Variants in ULK4 observed in about 807,000 individuals in gnomAD.
The protein encoded by ULK4 is unc-51 like kinase 4.
Under a neutral mutation model 160.6 loss-of-function variants are expected in ULK4, and 133 were observed. The ratio of observed to expected loss-of-function variants is 0.83; its 90% CI spans 0.72 to 0.96. The LOEUF (loss-of-function observed/expected upper bound fraction) is 0.96, where lower values mean the gene tolerates loss of function less well. ULK4 is among the 40% of genes least tolerant of loss of function. The probability of loss-of-function intolerance (pLI) is 0.00; values close to 1 mark genes in which losing one functional copy is unlikely to be tolerated. For missense variants in ULK4, 1,580 were observed against 1,499.5 expected, an observed-to-expected ratio of 1.05 and a Z score of -0.89; for synonymous variants, 534 against 539.8, an observed-to-expected ratio of 0.99 and a Z score of 0.15.
chr3:41,296,846 A>C (rs2079678586), intron 35 of ULK4, among the ~76,000 whole-genome samples: 1 of 152,026 alleles, frequency 6.6e-6, no homozygotes, highest in South Asian at 2.1e-4. Flanking sequence ...GTTGAGAGGG[A>C]GGGAAGAAGA....
chr3:41,873,516 T>C (rs1282584390), intron 17 of ULK4, among the ~76,000 whole-genome samples: 1 of 152,156 alleles, frequency 6.6e-6, no homozygotes, highest in East Asian at 1.9e-4. Flanking sequence ...TTTTGTTACA[T>C]TTTACCCTAC....
chr3:41,848,385 C>A (rs1358222139), intron 17 of ULK4, among the ~76,000 whole-genome samples: 1 of 152,140 alleles, frequency 6.6e-6, no homozygotes, highest in African/African-American at 2.4e-5. Flanking sequence ...AGAAATCTGC[C>A]ATTTTTTGGT....
intron 34 of ULK4, among the ~76,000 whole-genome samples, chr3:41,445,092 G>A (rs1025229404): frequency 1.3e-5 from 2 of 152,212 alleles, no homozygotes; most frequent in Non-Finnish European, 2.9e-5. Flanking sequence ...GACAAACAGA[G>A]AGCCAAATCA....
intron 34 of ULK4, among the ~76,000 whole-genome samples, chr3:41,409,220 C>T (rs531752423): frequency 1.3e-5 from 2 of 152,120 alleles, no homozygotes; most frequent in Admixed American, 1.3e-4. Flanking sequence ...CACGCCACTG[C>T]ACTCTAGACT....
intron 35 of ULK4, among the ~76,000 whole-genome samples, chr3:41,259,157 A>C (rs1187001882): frequency 1.3e-5 from 2 of 151,546 alleles, no homozygotes; most frequent in Non-Finnish European, 2.9e-5. Flanking sequence ...ACTTGGGATA[A>C]ATACATAATT....
At chr3:41,774,590 T>G (rs1454808652) in intron 21 of ULK4, among the ~76,000 whole-genome samples, 10 of 149,260 alleles carry the variant, frequency 6.7e-5, no homozygotes, top group South Asian at 2.1e-4. Context: ...CTGGAGAGGA[T>G]GTGGAGAAAT....
At chr3:41,610,222 G>A (rs1490826769) in intron 31 of ULK4, among the ~76,000 whole-genome samples, 2 of 151,594 alleles carry the variant, frequency 1.3e-5, no homozygotes, top group African/African-American at 4.8e-5. Context: ...TTTGCCTGTC[G>A]GCCAGACTGG....
chr3:41,260,731 C>T (rs2078923895), intron 35 of ULK4, among the ~76,000 whole-genome samples: 1 of 152,206 alleles, frequency 6.6e-6, no homozygotes, highest in South Asian at 2.1e-4. Context: ...CAAAGGCTTG[C>T]TCCCCTAGAT....
intron 35 of ULK4, among the ~76,000 whole-genome samples, chr3:41,383,903 C>T (rs1424206851): frequency 6.6e-6 from 1 of 152,136 alleles, no homozygotes; most frequent in Non-Finnish European, 1.5e-5. Flanking sequence ...TGGTCCTTTC[C>T]ACATTTTAAA....
At chr3:41,788,681 C>T (rs558064514) in intron 21 of ULK4, among the ~76,000 whole-genome samples, 2 of 150,972 alleles carry the variant, frequency 1.3e-5, no homozygotes, top group African/African-American at 4.9e-5. Context: ...CAGAGCGAGC[C>T]TCCATCTCAA....
intron 34 of ULK4, among the ~76,000 whole-genome samples, chr3:41,435,478 G>A (rs1011191195): frequency 5.9e-5 from 9 of 152,306 alleles, no homozygotes; most frequent in African/African-American, 2.2e-4. Flanking sequence ...ATCAATCAAG[G>A]CTGACTGGTT....
At chr3:41,529,090 G>T (rs577014338) in intron 32 of ULK4, among the ~76,000 whole-genome samples, 38 of 152,308 alleles carry the variant, frequency 2.5e-4, no homozygotes, top group African/African-American at 8.9e-4. Flanking sequence ...AGAAAGAAGA[G>T]CCAACTTGGC....
chr3:41,835,346 A>G (rs959617189), intron 18 of ULK4, among the ~76,000 whole-genome samples: 5 of 152,202 alleles, frequency 3.3e-5, no homozygotes, highest in African/African-American at 1.2e-4. Context: ...TATTCTTTTT[A>G]AAAAACCACA....
At chr3:41,623,601 C>T (rs1169139772) in intron 30 of ULK4, among the ~76,000 whole-genome samples, 1 of 152,082 alleles carries the variant, frequency 6.6e-6, no homozygotes, top group African/African-American at 2.4e-5. Context: ...ATAAGTCAAG[C>T]ACAGAAAAAC....
chr3:41,696,033 A>G lies in ULK4; in HGVS notation c.2781+9024T>C, dbSNP rs529556283. Among the ~76,000 whole-genome samples the G allele has an allele frequency of 3.3e-5, 5 of 152,324 alleles. No individual in the cohort carries two copies. In the East Asian group the frequency reaches 9.7e-4, roughly 29 times the overall value. On this transcript the variant is annotated intron_variant, in intron 27 of 36. Transcript: ENST00000301831. ...AGTGTCTGGGAAGACGCCCGCTGCC[A>G]AGCGGACCGTGGTCTAGCAGTAGCC...
At chr3:41,368,300 C>T (rs1559548785) in intron 35 of ULK4, among the ~76,000 whole-genome samples, 1 of 152,080 alleles carries the variant, frequency 6.6e-6, no homozygotes, top group East Asian at 1.9e-4. Flanking sequence ...CCACCCAACT[C>T]GGCCTCCCAA....
At chr3:41,919,578 G>A (rs1051288144) in intron 6 of ULK4, 139 bp downstream of exon 6, 1 of 667,352 alleles carries the variant, frequency 1.5e-6, no homozygotes, top group Non-Finnish European at 2.5e-6. Context: ...CTCCAGACTG[G>A]GTGACAGTAC....
chr3:41,827,409 A>G (rs144262279), intron 18 of ULK4, among the ~76,000 whole-genome samples: 38,266 of 151,422 alleles, frequency 0.25, 5,959 homozygotes, highest in African/African-American at 0.45. Flanking sequence ...TTGATAGACC[A>G]CTAGCAAGAC....
chr3:41,509,718 C>T lies in ULK4; in HGVS notation c.3227-46465G>A, dbSNP rs139099794. On this transcript the variant is annotated intron_variant, in intron 32 of 36. Transcript: ENST00000301831. ...TTTCAGCCAAGAATTTTGTATCTGG[C>T]GAAACTAAGCTTCATAAATGAAGGA... Among the ~76,000 whole-genome samples, 815 of 152,146 alleles carry T rather than the reference C, an allele frequency of 5.4e-3. 12 individuals carry two copies. Among genetic ancestry groups the T allele is most frequent in the African/African-American group, 0.019 (781 of 41,512 alleles).
Sources: allele counts gnomAD v4.1 joint callset (sites outside exome capture counted in the v4.1 genomes callset), GRCh38; gene constraint gnomAD v4.1.1; transcripts MANE v1.5; gene names NCBI Gene and HGNC (gene_info 2026-07-23, HGNC 2026-07-21).